ACAP1: variants seen among roughly 807,000 people sequenced by gnomAD.
ACAP1 encodes the protein ArfGAP with coiled-coil, ankyrin repeat and PH domains 1, also known as arf-GAP with coiled-coil, ANK repeat and PH domain-containing protein 1.
ACAP1 carries 45 observed loss-of-function variants against 98.8 expected under a neutral mutation model. The ratio of observed to expected loss-of-function variants is 0.46; its 90% confidence interval spans 0.36 to 0.58. The LOEUF is 0.58. ACAP1 is among the 20% of genes least tolerant of loss of function. The pLI is 0.00. For missense variants in ACAP1, 735 were observed against 971.4 expected (o/e 0.76, Z 3.24); for synonymous variants, 362 against 375.3 (o/e 0.96, Z 0.41).
chr17:7,340,187 C>G (rs1053621334), intron 2 of ACAP1, among the ~76,000 whole-genome samples: 3 of 151,738 alleles, frequency 2.0e-5, no homozygotes, highest in Non-Finnish European at 4.4e-5. Context: ...TTGGAGGATC[C>G]CTTGAACCCA....
chr17:7,346,097 T>C, intron 10 of ACAP1, 147 bp from the exon 11 acceptor site: 1 of 757,448 alleles, frequency 1.3e-6, no homozygotes, highest in Non-Finnish European at 2.4e-6. Context: ...TCTGCACAAT[T>C]GTCCACCCTT....
Position 7,350,364 on chromosome 17 carries a change from TGGGCCAGCGCCG to T in ACAP1, c.2072+135_2072+146del. ...GTGCTGTGGGGCCTCGGAAAGGGGC[TGGGCCAGCGCCG>T]GGGCCAGGCTCGAGAAAGGCTGCGC... On this transcript the variant is annotated intron_variant, in intron 20 of 21. Coordinates refer to ENST00000158762, the MANE Select transcript of ACAP1 (RefSeq NM_014716.4). The surrounding 1 kb of genome is among the most constrained non-coding windows in gnomAD (Gnocchi z 4.6). 1.4e-6 allele frequency: 1 copy of T among 718,556 alleles called. No homozygotes were observed. The highest frequency in any genetic ancestry group is 2.2e-6 in the Non-Finnish European group (1 of 454,078). The allele number at this position is 718,556 out of a possible 1,614,324, so 44.5% of individuals were successfully genotyped here. A position where few individuals can be genotyped will look rare whatever the true frequency, so the allele number is the denominator to read the frequency against.
chr17:7,347,881 C>T (rs773856747), intron 14 of ACAP1, 41 bp from the exon 15 acceptor site: 1 of 1,568,446 alleles, frequency 6.4e-7, no homozygotes, highest in Non-Finnish European at 8.8e-7. Flanking sequence ...AGGCCACTGC[C>T]CCCCTGCACA....
chr17:7,341,823 G>C (rs2073282573), intron 2 of ACAP1, 125 bp from the exon 3 acceptor site: 1 of 1,391,572 alleles, frequency 7.2e-7, no homozygotes, highest in Admixed American at 2.0e-5. Flanking sequence ...CTGGAGGGCA[G>C]TGAGGCCAGG....
chr17:7,343,777 G>A lies in ACAP1; in HGVS notation c.573+27G>A, dbSNP rs1409488509. The A allele has an allele frequency of 1.9e-6, 3 of 1,613,258 alleles. No individual in the cohort carries two copies. Among genetic ancestry groups the A allele is most frequent in the African/African-American group, 2.7e-5 (2 of 74,898 alleles). ...TGAGTTGTGGCGGGGGTGAGGGCAG[G>A]GTGGAGAAGAGCCTGCTGCCAGCAC... On this transcript the variant is annotated intron_variant, in intron 7 of 21. Coordinates refer to ENST00000158762, the MANE Select transcript of ACAP1 (RefSeq NM_014716.4). The surrounding 1 kb of genome is among the most constrained non-coding windows in gnomAD (Gnocchi z 4.9).
Position 7,350,237 on chromosome 17 carries a change from T to A in ACAP1, c.2072T>A (p.Leu691Gln). 6.2e-7 allele frequency: 1 copy of A among 1,613,144 alleles called. No individual in the cohort carries two copies. Among genetic ancestry groups the A allele is most frequent in the Non-Finnish European group, 8.5e-7 (1 of 1,179,330 alleles). The change falls in exon 20 of 22, where the codon CTG becomes CAG. Residue 691 changes from leucine to glutamine, a missense_variant and splice_region_variant. Leu to Gln is a moderately radical substitution (Grantham distance 113). This residue lies in a region of ACAP1 where 142 missense variants were observed against 224.1 expected (regional missense o/e 0.63). Coordinates refer to ENST00000158762, the MANE Select transcript of ACAP1 (RefSeq NM_014716.4). This position sits in a 1 kb window ranked among gnomAD's most constrained non-coding sequence, Gnocchi z 4.6. Reference protein sequence around the residue: ...METANADIVTLLRLAKMREAE... With the variant: ...METANADIVTQLRLAKMREAE... ...ACAGCCAACGCTGACATCGTCACCC[T>A]GTAAGAATGCCTGAAGGGGCGGGGC...
At chr17:7,347,519 G>C (rs1597653896) in intron 14 of ACAP1, 3 of 516,322 alleles carry the variant, frequency 5.8e-6, no homozygotes, top group Non-Finnish European at 1.0e-5. Context: ...GGCTGCTGAG[G>C]GTGGGGGAGC....
chr17:7,342,144 TG>T, intron 3 of ACAP1, 77 bp downstream of exon 3: 1 of 1,608,198 alleles, frequency 6.2e-7, no homozygotes, highest in African/African-American at 1.3e-5. Context: ...AGGGCTGGCC[TG>T]GGGTCTGCAG....
intron 21 of ACAP1, 63 bp from the exon 22 acceptor site, chr17:7,351,232 C>T: frequency 7.1e-7 from 1 of 1,412,816 alleles, no homozygotes; most frequent in South Asian, 1.3e-5. Flanking sequence ...GGGCCCCAAC[C>T]GCCGGATCCT....
chr17:7,345,787 G>A (rs943410711), intron 10 of ACAP1: 2 of 168,376 alleles, frequency 1.2e-5, no homozygotes, highest in Non-Finnish European at 1.3e-5. Flanking sequence ...CAAGTAGGTG[G>A]GATTATAGCC....
rs1194935681 is a variant in ACAP1, at chr17:7,350,548, G to A, written c.2072+311G>A. Reference sequence around the variant, plus strand: ...CACTAGACGTGACCCCGGGGGTGGGGGCAGATGAACGGAACGCAACCCAGC... The same window carrying A: ...CACTAGACGTGACCCCGGGGGTGGGAGCAGATGAACGGAACGCAACCCAGC... On this transcript the variant is annotated intron_variant, in intron 20 of 21. Transcript: ENST00000158762. The surrounding 1 kb of genome is among the most constrained non-coding windows in gnomAD (Gnocchi z 4.6). 2.1e-6 allele frequency: 1 copy of A among 477,120 alleles called. No individual in the cohort carries two copies. Among genetic ancestry groups the A allele is most frequent in the Non-Finnish European group, 3.8e-6 (1 of 266,092 alleles). The allele number at this position is 477,120 out of a possible 1,614,324, so 29.6% of individuals were successfully genotyped here. A position where few individuals can be genotyped will look rare whatever the true frequency, so the allele number is the denominator to read the frequency against.
In ACAP1 at chr17:7,350,304, G is replaced by T; in HGVS notation, c.2072+67G>T. ...CCCACCCCCGCCCACCCACGTTCGG[G>T]CGGGCGGGCGGGGCTGACGCCGAAA... On this transcript the variant is annotated intron_variant, in intron 20 of 21. Coordinates refer to ENST00000158762, the MANE Select transcript of ACAP1 (RefSeq NM_014716.4). This position sits in a 1 kb window ranked among gnomAD's most constrained non-coding sequence, Gnocchi z 4.6. The T allele has an allele frequency of 6.8e-6, 9 of 1,314,180 alleles. No individual in the cohort carries two copies. The highest frequency in any genetic ancestry group is 8.5e-6 in the Non-Finnish European group (8 of 942,916). The allele number at this position is 1,314,180 out of a possible 1,614,324, so 81.4% of individuals were successfully genotyped here. A position where few individuals can be genotyped will look rare whatever the true frequency, so the allele number is the denominator to read the frequency against.
Position 7,347,676 on chromosome 17 carries a change from G to A in ACAP1, c.1344-246G>A, listed in dbSNP as rs1875256018. 4 of 586,186 alleles carry A rather than the reference G, an allele frequency of 6.8e-6. No individual in the cohort carries two copies. The Admixed American group carries it at 1.2e-4, about 18-fold the overall frequency. 36.3% of individuals were successfully genotyped at this position (586,186 alleles called of 1,614,324 possible). A position where few individuals can be genotyped will look rare whatever the true frequency, so the allele number is the denominator to read the frequency against. On this transcript the variant is annotated intron_variant, in intron 14 of 21. Transcript: ENST00000158762. ...CAAGTGTCACTAGAGAAGGGAGGTG[G>A]CTGGAGTGATGAGGGCCTTGAAATG...
In ACAP1 at chr17:7,336,649, C is replaced by T. The variant is rs1220390421; in HGVS notation, c.-86C>T. The stretch of plus-strand genomic sequence containing the variant: ...CCCTCTCCTCCTTCCCCCTCATCTC[C>T]CCTTCCTGGGACAGAAAGTGCCTCC... On this transcript the variant is annotated 5_prime_UTR_variant, in exon 1 of 22. Coordinates refer to ENST00000158762, the MANE Select transcript of ACAP1 (RefSeq NM_014716.4). The T allele has an allele frequency of 7.0e-7, 1 of 1,438,402 alleles. No homozygotes were observed. The highest frequency in any genetic ancestry group is 1.4e-5 in the African/African-American group (1 of 71,558). 89.1% of individuals were successfully genotyped at this position (1,438,402 alleles called of 1,614,324 possible).
chr17:7,338,471 T>C (rs2143015700), intron 2 of ACAP1, among the ~76,000 whole-genome samples: 1 of 152,094 alleles, frequency 6.6e-6, no homozygotes, highest in South Asian at 2.1e-4. Flanking sequence ...CCATGTTGGC[T>C]AAGCTGGTCT....
In ACAP1 at chr17:7,338,553, G is replaced by A. The variant is rs143936525; in HGVS notation, c.111+1184G>A. ...GCTGGCATTACAGGCTTAAGCCACC[G>A]CACCCGGCCTACAAATAATAATTTT... On this transcript the variant is annotated intron_variant, in intron 2 of 21. Coordinates refer to ENST00000158762, the MANE Select transcript of ACAP1 (RefSeq NM_014716.4). Among the ~76,000 whole-genome samples the A allele has an allele frequency of 1.2e-4, 18 of 150,572 alleles. No individual in the cohort carries two copies. In the East Asian group the frequency reaches 2.0e-3, roughly 17 times the overall value.
At position 7,348,997 on chromosome 17, in the gene ACAP1, C is replaced by G. The variant is rs772607998; in HGVS notation, c.1681C>G (p.Pro561Ala). The change falls in exon 18 of 22, where the codon CCC (proline) becomes GCC (alanine). Residue 561 changes from proline to alanine, a missense_variant and splice_region_variant. Pro to Ala is a conservative substitution (Grantham distance 27, BLOSUM62 -1). Transcript: ENST00000158762. Reference protein sequence around the residue: ...RPGSLRSKPEPPSEDLGSLHP... With the variant: ...RPGSLRSKPEAPSEDLGSLHP... The stretch of plus-strand genomic sequence containing the variant: ...ACAGAACCAAATCCCCCGAACAGAG[C>G]CCCCCTCTGAGGACCTGGGAAGCCT... 1.9e-5 allele frequency: 30 copies of G among 1,612,434 alleles called. No individual in the cohort carries two copies. Among genetic ancestry groups the G allele is most frequent in the Non-Finnish European group, 2.4e-5 (28 of 1,179,698 alleles).
rs1371764893 is a variant in ACAP1 at position 7,350,271 on chromosome 17, G to C, written c.2072+34G>C. 1 of 1,579,672 alleles carries C rather than the reference G, an allele frequency of 6.3e-7. No homozygotes were observed. The highest frequency in any genetic ancestry group is 1.7e-5 in the Admixed American group (1 of 59,634). ...GCCTGAAGGGGCGGGGCTGGCGCTG[G>C]GACTCCCCCCACCCCCGCCCACCCA... is the stretch of plus-strand genomic sequence containing the variant. On this transcript the variant is annotated intron_variant, in intron 20 of 21. Transcript: ENST00000158762. The surrounding 1 kb of genome is among the most constrained non-coding windows in gnomAD (Gnocchi z 4.6).
At position 7,343,444 on chromosome 17, in the gene ACAP1, C is replaced by T. The variant is rs528029055; in HGVS notation, c.410C>T (p.Ala137Val). The T allele has an allele frequency of 1.9e-6, 3 of 1,614,048 alleles. No individual in the cohort carries two copies. In the Admixed American group the frequency reaches 5.0e-5, roughly 27 times the overall value. Residue 137 changes from alanine (A) to valine (V), a missense_variant, in exon 6 of 22, where the codon GCC (alanine) becomes GTC (valine). Ala to Val is a moderately conservative substitution (Grantham distance 64, BLOSUM62 0). Coordinates refer to ENST00000158762, the MANE Select transcript of ACAP1 (RefSeq NM_014716.4). This position sits in a 1 kb window ranked among gnomAD's most constrained non-coding sequence, Gnocchi z 4.9. ...FWRGAESLEAALTHNAEVPRR... is the reference protein window; with the variant it reads ...FWRGAESLEAVLTHNAEVPRR... The stretch of plus-strand genomic sequence containing the variant: ...CGGGGGGCTGAGAGCCTGGAGGCTG[C>T]CCTGACCCACAACGCAGAGGTTCCC...
Sources: allele counts gnomAD v4.1 joint callset (sites outside exome capture counted in the v4.1 genomes callset), GRCh38; gene constraint gnomAD v4.1.1; regional missense constraint gnomAD v4.1.1; non-coding constraint Gnocchi (gnomAD v3.1); transcripts MANE v1.5; gene names NCBI Gene and HGNC (gene_info 2026-07-23, HGNC 2026-07-21).